The following MBP variants were observed in gnomAD, a reference collection of about 807,000 sequenced individuals.
MBP encodes the protein Golli-MBP.
A neutral mutation model predicts 35.8 loss-of-function variants in MBP; 16 were observed. The observed-to-expected ratio is 0.45, with a 90% CI of 0.30 to 0.68. The LOEUF is 0.68. Ranked by LOEUF, MBP falls within the 30% of genes least tolerant of loss-of-function variation. MBP has a pLI of 0.08. For missense variants in MBP, 380 were observed against 404.7 expected (o/e 0.94, Z 0.52); for synonymous variants, 143 against 159.6 (o/e 0.90, Z 0.78).
intron 2 of MBP, among the ~76,000 whole-genome samples, chr18:77,079,240 C>G (rs1437411595): frequency 6.6e-6 from 1 of 152,190 alleles, no homozygotes. Context: ...CCACCTGGTA[C>G]ACTAAGGTTG....
intron 4 of MBP, chr18:77,013,446 G>T (rs1971458174): frequency 1.0e-6 from 1 of 985,376 alleles, no homozygotes; most frequent in South Asian, 4.7e-5. Context: ...TGGTAACAAT[G>T]AGGAATTAGG....
At chr18:76,983,481 G>A (rs1021426803) in intron 8 of MBP, 25 of 152,020 alleles carry the variant, frequency 1.6e-4, no homozygotes, top group Admixed American at 5.9e-4. Flanking sequence ...CCGCCCTCTT[G>A]TGGCCACATC....
chr18:77,119,411 G>A (rs1976819640), intron 1 of MBP, among the ~76,000 whole-genome samples: 1 of 152,130 alleles, frequency 6.6e-6, no homozygotes, highest in African/African-American at 2.4e-5. Context: ...GCACACAGCA[G>A]GCACATGGTA....
chr18:77,009,767 G>T, intron 4 of MBP: 1 of 1,275,344 alleles, frequency 7.8e-7, no homozygotes, highest in Non-Finnish European at 1.1e-6. Flanking sequence ...GACACTACCT[G>T]CCCCGAGGGA....
intron 3 of MBP, among the ~76,000 whole-genome samples, chr18:77,024,877 C>T (rs931270037): frequency 8.5e-5 from 13 of 152,232 alleles, no homozygotes; most frequent in Non-Finnish European, 1.6e-4. Context: ...TAACCCCAGG[C>T]TCCTTTCCGC....
At chr18:77,126,358 A>G (rs1977048951) in intron 1 of MBP, among the ~76,000 whole-genome samples, 2 of 152,214 alleles carry the variant, frequency 1.3e-5, no homozygotes, top group Non-Finnish European at 2.9e-5. Flanking sequence ...AAGACATTTG[A>G]CAAAATACAA....
intron 2 of MBP, among the ~76,000 whole-genome samples, chr18:77,104,466 C>G (rs1017316612): frequency 6.6e-6 from 1 of 152,188 alleles, no homozygotes; most frequent in Non-Finnish European, 1.5e-5. Context: ...AAGGAAACAG[C>G]TCAAGTATTT....
intron 2 of MBP, chr18:77,067,712 C>T (rs1237991425): frequency 1.4e-5 from 6 of 432,030 alleles, no homozygotes; most frequent in Admixed American, 9.8e-5. Flanking sequence ...CTGCAGCGCC[C>T]CACCCTGGTC....
chr18:77,066,472 A>AT (rs575409463), intron 2 of MBP, 87 bp from the exon 3 acceptor site: 76 of 886,686 alleles, frequency 8.6e-5, no homozygotes, highest in African/African-American at 4.8e-4. Context: ...CTCTTTATAA[A>AT]TTTTTTATCA....
intron 3 of MBP, among the ~76,000 whole-genome samples, chr18:77,040,355 T>C (rs1042506804): frequency 1.3e-5 from 2 of 152,140 alleles, no homozygotes; most frequent in South Asian, 4.2e-4. Context: ...GCCATACTGC[T>C]CAAGGTAATT....
intron 2 of MBP, among the ~76,000 whole-genome samples, chr18:77,077,178 T>A (rs1490076125): frequency 6.6e-6 from 1 of 151,622 alleles, no homozygotes; most frequent in Non-Finnish European, 1.5e-5. Context: ...CTGGCCAACA[T>A]GGTGAAACCC....
At chr18:76,995,179 G>A (rs952566823) in intron 4 of MBP, among the ~76,000 whole-genome samples, 1 of 152,174 alleles carries the variant, frequency 6.6e-6, no homozygotes, top group African/African-American at 2.4e-5. Context: ...AAATGCTGGT[G>A]GAAGAAATCA....
At chr18:77,023,382 G>A (rs1034910735) in intron 3 of MBP, among the ~76,000 whole-genome samples, 12 of 152,058 alleles carry the variant, frequency 7.9e-5, no homozygotes, top group Non-Finnish European at 4.4e-5. Flanking sequence ...CACAAGCGTC[G>A]CCAGGTCCTG....
intron 3 of MBP, among the ~76,000 whole-genome samples, chr18:77,043,867 G>A (rs772438631): frequency 1.3e-5 from 2 of 152,058 alleles, no homozygotes; most frequent in South Asian, 2.1e-4. Context: ...ATGCCCACAC[G>A]TGTAGGGCAG....
chr18:77,060,740 C>T (rs1057136773), intron 3 of MBP, among the ~76,000 whole-genome samples: 2 of 152,180 alleles, frequency 1.3e-5, no homozygotes, highest in Non-Finnish European at 2.9e-5. Context: ...CATGAGCCAT[C>T]ATACCCGGCC....
intron 2 of MBP, among the ~76,000 whole-genome samples, chr18:77,084,217 T>C (rs1260218475): frequency 6.6e-6 from 1 of 152,124 alleles, no homozygotes; most frequent in Non-Finnish European, 1.5e-5. Context: ...GTAATTAAGA[T>C]GGCAGTGTGT....
In MBP at chr18:77,016,813, T is replaced by A; in HGVS notation, c.576+19A>T. 6.2e-7 allele frequency: 1 copy of A among 1,612,604 alleles called. No homozygotes were observed. The highest frequency in any genetic ancestry group is 1.1e-5 in the South Asian group (1 of 91,064). ...CTTTTTCCATTTAAACTAAAACTCC[T>A]CTACTCCTCAGAGCTCACCTTGCCA... On this transcript the variant is annotated intron_variant, in intron 4 of 8. Coordinates refer to ENST00000355994, the MANE Select transcript of MBP (RefSeq NM_001025101.2).
At chr18:77,054,724 A>G (rs985601540) in intron 3 of MBP, among the ~76,000 whole-genome samples, 8 of 152,182 alleles carry the variant, frequency 5.3e-5, no homozygotes, top group African/African-American at 1.4e-4. Flanking sequence ...TCAAGTTCCA[A>G]TCCCTGTTAG....
chr18:77,111,219 G>A (rs1437953319), intron 1 of MBP, among the ~76,000 whole-genome samples: 1 of 152,206 alleles, frequency 6.6e-6, no homozygotes, highest in Non-Finnish European at 1.5e-5. Context: ...GGAGCCCAGT[G>A]CTCATGGGCA....
Sources: gnomAD v4.1 joint callset for allele counts (sites outside exome capture counted in the v4.1 genomes callset) on GRCh38, gnomAD v4.1.1 for gene constraint, MANE v1.5 for transcripts, NCBI Gene and HGNC (gene_info 2026-07-23, HGNC 2026-07-21) for gene names.